Variants in CPVL observed in about 807,000 individuals in gnomAD.
CPVL encodes the protein carboxypeptidase vitellogenic like.
Under a neutral mutation model 63.7 loss-of-function variants are expected in CPVL, and 51 were observed. The ratio of observed to expected loss-of-function variants is 0.80; its 90% CI spans 0.64 to 1.01. CPVL has a LOEUF of 1.01. CPVL is among the 50% of genes least tolerant of loss of function. The probability of loss-of-function intolerance (pLI) is 0.00; values close to 1 mark genes in which losing one functional copy is unlikely to be tolerated. For synonymous variants in CPVL, 195 were observed against 206.0 expected (o/e 0.95, Z 0.46); for missense variants, 530 against 573.1 (o/e 0.92, Z 0.77).
intron 3 of CPVL, among the ~76,000 whole-genome samples, chr7:29,109,832 G>C (rs1788081582): frequency 6.6e-6 from 1 of 152,178 alleles, no homozygotes; most frequent in African/African-American, 2.4e-5. Flanking sequence ...GGGATGCACA[G>C]CTAGGTTTTC....
intron 2 of CPVL, among the ~76,000 whole-genome samples, chr7:29,117,997 AC>A (rs1584311785): frequency 6.6e-6 from 1 of 152,216 alleles, no homozygotes; most frequent in African/African-American, 2.4e-5. Context: ...CAGTGCACTT[AC>A]TTTAAATGTA....
intron 3 of CPVL, among the ~76,000 whole-genome samples, chr7:29,104,896 A>G (rs2128622534): frequency 6.6e-6 from 1 of 152,326 alleles, no homozygotes. Context: ...CAGGCATGCA[A>G]AAGTTTCTGC....
chr7:29,098,130 C>T (rs907907766), intron 3 of CPVL, among the ~76,000 whole-genome samples: 1 of 152,158 alleles, frequency 6.6e-6, no homozygotes, highest in Non-Finnish European at 1.5e-5. Context: ...CCTGGCTATA[C>T]AGACAAATCA....
intron 5 of CPVL, among the ~76,000 whole-genome samples, chr7:29,173,131 A>C (rs886528960): frequency 5.4e-4 from 56 of 103,526 alleles, no homozygotes; most frequent in Non-Finnish European, 5.7e-4. Flanking sequence ...ACTCTGTATC[A>C]AAAAAAAAAA....
chr7:29,018,720 G>A (rs1293550727), intron 12 of CPVL, among the ~76,000 whole-genome samples: 1 of 152,056 alleles, frequency 6.6e-6, no homozygotes, highest in Non-Finnish European at 1.5e-5. Flanking sequence ...ACTTCCTTAG[G>A]GCTGGCATGT....
intron 9 of CPVL, among the ~76,000 whole-genome samples, chr7:29,068,682 C>CT (rs56757455): frequency 0.019 from 2,772 of 142,998 alleles, 78 homozygotes; most frequent in African/African-American, 0.066. Context: ...GTGTCTTTTT[C>CT]TTTTTTTTTT....
chr7:29,095,222 C>T, intron 4 of CPVL, 80 bp from the exon 5 acceptor site: 2 of 1,146,922 alleles, frequency 1.7e-6, no homozygotes, highest in Non-Finnish European at 2.6e-6. Flanking sequence ...AGAAGCCCAA[C>T]ACACCCCACG....
At chr7:29,032,174 C>A (rs1788083080) in intron 11 of CPVL, among the ~76,000 whole-genome samples, 1 of 152,078 alleles carries the variant, frequency 6.6e-6, no homozygotes, top group Non-Finnish European at 1.5e-5. Context: ...TAAAATATTT[C>A]ACTGCATAAG....
intron 3 of CPVL, among the ~76,000 whole-genome samples, chr7:29,098,788 C>G (rs113187977): frequency 0.049 from 7,528 of 152,226 alleles, 209 homozygotes; most frequent in East Asian, 0.14. Context: ...ATAGGCCAGG[C>G]ACGGTGGCTC....
intron 1 of CPVL, chr7:29,192,887 C>A (rs1783074200): frequency 6.6e-6 from 1 of 152,196 alleles, no homozygotes; most frequent in African/African-American, 2.4e-5. Flanking sequence ...TGGGGGGCTA[C>A]ATAGATTACT....
chr7:29,126,994 C>G (rs2128650655), intron 1 of CPVL: 1 of 152,352 alleles, frequency 6.6e-6, no homozygotes, highest in East Asian at 1.9e-4. Flanking sequence ...CTCCTTTTCA[C>G]AGGTTCCTCT....
chr7:28,996,862 TC>T (rs112065179), intron 12 of CPVL, among the ~76,000 whole-genome samples: 7,527 of 152,220 alleles, frequency 0.049, 611 homozygotes, highest in African/African-American at 0.17. Context: ...ATCACATTAT[TC>T]ATCAGAGTTC....
intron 12 of CPVL, among the ~76,000 whole-genome samples, chr7:29,005,329 A>G (rs779346844): frequency 6.6e-6 from 1 of 152,194 alleles, no homozygotes; most frequent in African/African-American, 2.4e-5. Flanking sequence ...AGAAGTGAAG[A>G]GGAGAAATTA....
At chr7:29,027,220 G>A (rs1015754398) in intron 12 of CPVL, among the ~76,000 whole-genome samples, 1 of 152,106 alleles carries the variant, frequency 6.6e-6, no homozygotes, top group Non-Finnish European at 1.5e-5. Context: ...CACATCAACA[G>A]AATGAAAGAC....
chr7:29,033,157 A>AG (rs1445861299), intron 11 of CPVL, among the ~76,000 whole-genome samples: 1 of 152,194 alleles, frequency 6.6e-6, no homozygotes. Context: ...AAAAGAAATC[A>AG]GAATAACGAT....
intron 12 of CPVL, among the ~76,000 whole-genome samples, chr7:28,999,534 C>T (rs1204536001): frequency 6.6e-6 from 1 of 152,222 alleles, no homozygotes; most frequent in Admixed American, 6.5e-5. Context: ...CATGACCTCA[C>T]TTCCTGGGTA....
intron 7 of CPVL, among the ~76,000 whole-genome samples, chr7:29,078,479 A>G (rs1784419708): frequency 6.6e-6 from 1 of 152,238 alleles, no homozygotes; most frequent in African/African-American, 2.4e-5. Flanking sequence ...ACTACAGTTA[A>G]TTTGACTTTT....
At chr7:28,996,144 T>G in intron 12 of CPVL, 1 of 345,632 alleles carries the variant, frequency 2.9e-6, no homozygotes, top group Non-Finnish European at 5.2e-6. Context: ...TTGAAAATTA[T>G]TCCTTGTCTT....
Position 28,995,897 on chromosome 7 carries a change from G to A in CPVL, c.1321-15C>T, listed in dbSNP as rs1393653773. The A allele has an allele frequency of 1.4e-6, 2 of 1,420,794 alleles. No homozygotes were observed. The highest frequency in any genetic ancestry group is 1.9e-6 in the Non-Finnish European group (2 of 1,030,686). 88.0% of individuals were successfully genotyped at this position (1,420,794 alleles called of 1,614,324 possible). ...CGAATAATTACCTTAAAAAGAAAAA[G>A]TAAAAGAACGGAAATTTAGAGAAAT... On this transcript the variant is annotated splice_polypyrimidine_tract_variant and intron_variant, in intron 12 of 12. Coordinates refer to ENST00000265394, the MANE Select transcript of CPVL (RefSeq NM_031311.5).
Sources: gnomAD v4.1 joint callset for allele counts (sites outside exome capture counted in the v4.1 genomes callset) on GRCh38, gnomAD v4.1.1 for gene constraint, MANE v1.5 for transcripts, NCBI Gene and HGNC (gene_info 2026-07-23, HGNC 2026-07-21) for gene names.